COPE: variants seen among roughly 807,000 people sequenced by gnomAD.
COPE encodes the protein coat protein complex I subunit epsilon.
In COPE, 19 loss-of-function variants were observed where a neutral mutation model predicts 42.1. The ratio of observed to expected loss-of-function variants is 0.45; its 90% CI spans 0.31 to 0.66. The LOEUF (loss-of-function observed/expected upper bound fraction) is 0.66, where lower values mean the gene tolerates loss of function less well. COPE is among the 30% of genes least tolerant of loss of function. The pLI is 0.05. For missense variants in COPE, 402 were observed against 416.1 expected, an observed-to-expected ratio of 0.97 and a Z score of 0.30; for synonymous variants, 195 against 181.3, an observed-to-expected ratio of 1.08 and a Z score of -0.60.
chr19:18,905,758 C>T, intron 4 of COPE, 129 bp from the exon 5 acceptor site: 1 of 882,248 alleles, frequency 1.1e-6, no homozygotes, highest in Admixed American at 2.8e-5. Flanking sequence ...CCAGCCCCGC[C>T]CAGCAGAGGA....
intron 4 of COPE, 38 bp downstream of exon 4, chr19:18,906,922 C>T (rs1251007544): frequency 2.0e-6 from 3 of 1,528,744 alleles, no homozygotes; most frequent in Non-Finnish European, 2.6e-6. Context: ...GGGGCACTTG[C>T]CTCCCTGGGC....
chr19:18,900,208 G>A (rs568114006), intron 8 of COPE, among the ~76,000 whole-genome samples, 173 bp downstream of exon 8: 1 of 152,190 alleles, frequency 6.6e-6, no homozygotes, highest in South Asian at 2.1e-4. Context: ...AGGTCGGGCA[G>A]GGCCCCAGGT....
Position 18,903,406 on chromosome 19 carries a change from C to G in COPE, c.597G>C (p.Gln199His). Residue 199 changes from glutamine to histidine, a missense_variant, in exon 7 of 10, where the codon CAG becomes CAC. By Grantham distance (24) the Gln-to-His change is conservative (BLOSUM62 0). Coordinates refer to ENST00000262812, the MANE Select transcript of COPE (RefSeq NM_007263.4). Reference protein sequence around the residue: ...VSLATGGEKLQDAYYIFQEMA... With the variant: ...VSLATGGEKLHDAYYIFQEMA... ...TCTCCTGGAAGATGTAGTAGGCATCCTGCAGCTTCTCACCACCCTGCAGGG... is the reference window on the plus strand; with the variant it reads ...TCTCCTGGAAGATGTAGTAGGCATCGTGCAGCTTCTCACCACCCTGCAGGG... The G allele has an allele frequency of 6.2e-7, 1 of 1,610,634 alleles. No homozygotes were observed.
At chr19:18,904,994 T>G in intron 5 of COPE, 142 bp from the exon 6 acceptor site, 1 of 829,004 alleles carries the variant, frequency 1.2e-6, no homozygotes, top group Non-Finnish European at 1.9e-6. Context: ...ACCCCACGAC[T>G]AAGTGCCCGA....
chr19:18,907,774 A>C (rs1161739084), intron 3 of COPE, among the ~76,000 whole-genome samples: 1 of 152,204 alleles, frequency 6.6e-6, no homozygotes, highest in Non-Finnish European at 1.5e-5. Context: ...GGGCCACCCT[A>C]GACCAAAGCT....
At chr19:18,905,494 A>AGACGCTCTGGGCTGT (rs200247935) in intron 5 of COPE, 82 bp downstream of exon 5, 102 of 1,370,420 alleles carry the variant, frequency 7.4e-5, no homozygotes, top group East Asian at 3.7e-4. Context: ...ACAGCACCAC[A>AGACGCTCTGGGCTGT]GACGCTCTGG....
intron 4 of COPE, 142 bp from the exon 5 acceptor site, chr19:18,905,771 A>G (rs2056753514): frequency 2.7e-6 from 2 of 743,214 alleles, no homozygotes; most frequent in Non-Finnish European, 4.3e-6. Context: ...GCAGAGGAGG[A>G]CACCCTCACT....
At chr19:18,904,719 C>A in intron 6 of COPE, 52 bp downstream of exon 6, 2 of 1,504,336 alleles carry the variant, frequency 1.3e-6, no homozygotes, top group Non-Finnish European at 1.8e-6. Context: ...CCCACAGACC[C>A]TGCTCAGCCA....
At chr19:18,904,351 C>T (rs1013355726) in intron 6 of COPE, among the ~76,000 whole-genome samples, 9 of 152,226 alleles carry the variant, frequency 5.9e-5, no homozygotes, top group Non-Finnish European at 8.8e-5. Flanking sequence ...TGTTGCCGGG[C>T]GGAGGTGCCC....
In COPE at chr19:18,911,075, C is replaced by T. The variant is rs781404675; in HGVS notation, c.190-4G>A. The stretch of plus-strand genomic sequence containing the variant: ...CCAGGACCACACCGAACTTCCTCTG[C>T]AGTAGGGACGAGGCGTCAGCTGCAC... On this transcript the variant is annotated splice_region_variant and splice_polypyrimidine_tract_variant and intron_variant, in intron 2 of 9. Coordinates refer to ENST00000262812, the MANE Select transcript of COPE (RefSeq NM_007263.4). 1.9e-5 allele frequency: 31 copies of T among 1,613,392 alleles called. No homozygotes were observed. The highest frequency in any genetic ancestry group is 3.3e-4 in the Middle Eastern group (2 of 6,082).
At position 18,899,565 on chromosome 19, in the gene COPE, G is replaced by T; in HGVS notation, c.*114C>A. ...TATTTATTAACAGATGGGGGTGCTG[G>T]GGGTGGGCTCCTGCCCCCAGAGGGG... On this transcript the variant is annotated 3_prime_UTR_variant, in exon 10 of 10. Transcript: ENST00000262812. The T allele has an allele frequency of 1.0e-6, 1 of 1,002,238 alleles. No individual in the cohort carries two copies. Among genetic ancestry groups the T allele is most frequent in the East Asian group, 2.5e-5 (1 of 40,196 alleles). 62.1% of individuals were successfully genotyped at this position (1,002,238 alleles called of 1,614,324 possible).
intron 2 of COPE, among the ~76,000 whole-genome samples, chr19:18,911,668 C>T (rs1297400180): frequency 2.0e-5 from 3 of 151,978 alleles, no homozygotes; most frequent in African/African-American, 4.8e-5. Flanking sequence ...TCTCCTGCCT[C>T]AGCCTCCCGA....
At chr19:18,904,500 G>A (rs1450063351) in intron 6 of COPE, among the ~76,000 whole-genome samples, 2 of 152,234 alleles carry the variant, frequency 1.3e-5, no homozygotes, top group East Asian at 1.9e-4. Flanking sequence ...GGCCTGCCAG[G>A]CCAACCCAGA....
At chr19:18,907,253 A>C (rs1171411982) in intron 3 of COPE, 141 bp from the exon 4 acceptor site, 3 of 874,058 alleles carry the variant, frequency 3.4e-6, no homozygotes, top group Non-Finnish European at 5.1e-6. Flanking sequence ...CCGAGCATCG[A>C]GCTGTCCCGA....
intron 3 of COPE, 66 bp downstream of exon 3, chr19:18,910,905 G>C: frequency 7.0e-7 from 1 of 1,432,200 alleles, no homozygotes; most frequent in South Asian, 1.1e-5. Flanking sequence ...ACCCACCCAG[G>C]TTCATAACCA....
intron 2 of COPE, among the ~76,000 whole-genome samples, chr19:18,912,124 G>A (rs1317664631): frequency 6.6e-6 from 1 of 152,092 alleles, no homozygotes; most frequent in Non-Finnish European, 1.5e-5. Flanking sequence ...TGGGATTACA[G>A]GCGTGAACCA....
At position 18,917,237 on chromosome 19, in the gene COPE, T is replaced by C. The variant is rs560956845; in HGVS notation, c.126+1986A>G. 7.0e-4 allele frequency among the ~76,000 whole-genome samples: 88 copies of C among 126,354 alleles called. 3 individuals carry two copies. In the East Asian group the frequency reaches 0.02, roughly 29 times the overall value. 82.9% of individuals were successfully genotyped at this position (126,354 alleles called of 152,430 possible). A position where few individuals can be genotyped will look rare whatever the true frequency, so the allele number is the denominator to read the frequency against. ...AGAAAGCCTACTAGAAACATTCTTT[T>C]TTTCTTTTTTTTTTTTTTTTTTTGA... On this transcript the variant is annotated intron_variant, in intron 1 of 9. Coordinates refer to ENST00000262812, the MANE Select transcript of COPE (RefSeq NM_007263.4).
intron 3 of COPE, 87 bp downstream of exon 3, chr19:18,910,884 G>A (rs556356874): frequency 7.1e-5 from 84 of 1,177,778 alleles, no homozygotes; most frequent in Admixed American, 2.6e-4. Context: ...TGCGCTGCAC[G>A]CCATGCCCCC....
intron 6 of COPE, among the ~76,000 whole-genome samples, 196 bp from the exon 7 acceptor site, chr19:18,903,619 G>T (rs1169266537): frequency 6.6e-6 from 1 of 152,170 alleles, no homozygotes; most frequent in Non-Finnish European, 1.5e-5. Context: ...ACTCGTGGCC[G>T]CCTCCTGCCC....
Sources: allele counts gnomAD v4.1 joint callset (sites outside exome capture counted in the v4.1 genomes callset), GRCh38; gene constraint gnomAD v4.1.1; transcripts MANE v1.5; gene names NCBI Gene and HGNC (gene_info 2026-07-23, HGNC 2026-07-21).